CCDC141: variants seen among roughly 807,000 people sequenced by gnomAD.
The protein encoded by CCDC141 is coiled-coil domain-containing protein 141.
In CCDC141, 168 loss-of-function variants were observed where a neutral mutation model predicts 181.0. The ratio of observed to expected loss-of-function variants is 0.93; its 90% CI spans 0.82 to 1.05. CCDC141 has a LOEUF of 1.05. CCDC141 is among the 50% of genes least tolerant of loss of function. The pLI is 0.00. For missense variants in CCDC141, 1,902 were observed against 1,788.5 expected (o/e 1.06, Z -1.14); for synonymous variants, 666 against 642.3 (o/e 1.04, Z -0.56).
chr2:178,920,459 C>T (rs550155856), intron 6 of CCDC141, among the ~76,000 whole-genome samples: 83 of 152,164 alleles, frequency 5.5e-4, no homozygotes, highest in Non-Finnish European at 1.1e-3. Flanking sequence ...TGGTGGCTCA[C>T]GTTTGTAATC....
At chr2:178,941,039 T>C (rs1689488905) in intron 6 of CCDC141, among the ~76,000 whole-genome samples, 1 of 152,194 alleles carries the variant, frequency 6.6e-6, no homozygotes, top group African/African-American at 2.4e-5. Context: ...GTCATGACCA[T>C]GGATTATTAT....
chr2:178,936,166 T>C (rs568933414), intron 6 of CCDC141, among the ~76,000 whole-genome samples: 3 of 152,332 alleles, frequency 2.0e-5, no homozygotes, highest in Non-Finnish European at 1.5e-5. Flanking sequence ...ATGAACTCTT[T>C]GCCTATTCCT....
At chr2:178,860,526 CA>C (rs541144833) in intron 17 of CCDC141, among the ~76,000 whole-genome samples, 39 of 54,832 alleles carry the variant, frequency 7.1e-4, no homozygotes, top group South Asian at 9.7e-4. Context: ...GAGCGAGACT[CA>C]AAAAAAAAAA....
At chr2:178,856,984 T>C (rs1685416163) in intron 17 of CCDC141, among the ~76,000 whole-genome samples, 1 of 152,190 alleles carries the variant, frequency 6.6e-6, no homozygotes, top group Admixed American at 6.5e-5. Flanking sequence ...TGTTAATACT[T>C]TTCGATTTGT....
At chr2:178,903,775 T>TA (rs200542386) in intron 8 of CCDC141, among the ~76,000 whole-genome samples, 2,520 of 142,306 alleles carry the variant, frequency 0.018, 70 homozygotes, top group African/African-American at 0.06. Context: ...AAAAAAAAAT[T>TA]AAAAAAAAAA....
rs1365966771 is a variant in CCDC141, at chr2:178,834,430, C to T, written c.4336G>A (p.Gly1446Ser). 1 of 1,535,540 alleles carries T rather than the reference C, an allele frequency of 6.5e-7. No homozygotes were observed. Among genetic ancestry groups the T allele is most frequent in the South Asian group, 1.2e-5 (1 of 84,036 alleles). Residue 1446 changes from glycine to serine, a missense_variant, in exon 24 of 24, where the codon GGC becomes AGC. Gly to Ser is a moderately conservative substitution (Grantham distance 56, BLOSUM62 0). Transcript: ENST00000443758. ...TGCCCATCTGCAGACAATTTCTGGCCCTTCTTGTACCTGAAGCAGAGAGGC... is the reference window on the plus strand; with the variant it reads ...TGCCCATCTGCAGACAATTTCTGGCTCTTCTTGTACCTGAAGCAGAGAGGC... Reference protein sequence around the residue: ...PEPTLTWYKKGQKLSADGHLQ... With the variant: ...PEPTLTWYKKSQKLSADGHLQ...
chr2:178,938,009 C>A (rs763937915), intron 6 of CCDC141, among the ~76,000 whole-genome samples: 1 of 151,934 alleles, frequency 6.6e-6, no homozygotes, highest in Non-Finnish European at 1.5e-5. Context: ...TTCAAGAAAC[C>A]AACTTCTGGA....
At chr2:178,880,472 A>C (rs1686545449) in intron 11 of CCDC141, among the ~76,000 whole-genome samples, 1 of 152,184 alleles carries the variant, frequency 6.6e-6, no homozygotes, top group African/African-American at 2.4e-5. Context: ...AAGCTGGATA[A>C]GAGATGATGA....
intron 16 of CCDC141, 71 bp from the exon 17 acceptor site, chr2:178,865,987 G>T: frequency 8.3e-7 from 1 of 1,203,318 alleles, no homozygotes; most frequent in Non-Finnish European, 1.1e-6. Context: ...CTATTTACCT[G>T]AATTATGAAA....
intron 17 of CCDC141, 87 bp downstream of exon 17, chr2:178,865,680 T>C (rs1685814434): frequency 8.2e-7 from 1 of 1,215,738 alleles, no homozygotes; most frequent in African/African-American, 1.6e-5. Context: ...TGTGTGGGAG[T>C]GTGCACAAAT....
At chr2:178,985,657 T>A (rs1330642324) in intron 2 of CCDC141, among the ~76,000 whole-genome samples, 1 of 151,974 alleles carries the variant, frequency 6.6e-6, no homozygotes, top group Non-Finnish European at 1.5e-5. Context: ...CCCACAGAAA[T>A]ACAAACTACC....
rs183210286 is a variant in CCDC141, at chr2:178,991,754, A to G, written c.226-13079T>C. On this transcript the variant is annotated intron_variant, in intron 2 of 23. Coordinates refer to ENST00000443758, the MANE Select transcript of CCDC141 (RefSeq NM_173648.4). ...TCTCAATTACCAAGACTTCATCATT[A>G]TACAGTGTAGAAATGTACCAAAATA... Among the ~76,000 whole-genome samples the G allele has an allele frequency of 5.3e-5, 8 of 152,222 alleles. No individual in the cohort carries two copies. The East Asian group carries it at 1.3e-3, about 26-fold the overall frequency.
chr2:179,024,628 G>T (rs540746677), intron 2 of CCDC141, among the ~76,000 whole-genome samples: 2 of 151,816 alleles, frequency 1.3e-5, no homozygotes, highest in East Asian at 1.9e-4. Context: ...CTCCAAGAAG[G>T]TTTCAGAGAG....
At chr2:179,009,013 T>C (rs1251621057) in intron 2 of CCDC141, among the ~76,000 whole-genome samples, 3 of 152,196 alleles carry the variant, frequency 2.0e-5, no homozygotes, top group Non-Finnish European at 4.4e-5. Flanking sequence ...CTTTTCCCAA[T>C]CTTTTTATCC....
intron 5 of CCDC141, among the ~76,000 whole-genome samples, chr2:178,946,622 T>A (rs1428470179): frequency 6.6e-6 from 1 of 152,114 alleles, no homozygotes; most frequent in Non-Finnish European, 1.5e-5. Context: ...TAAAAACAGG[T>A]GAGAAGCCTG....
chr2:178,909,032 C>G (rs1688106197), intron 7 of CCDC141, among the ~76,000 whole-genome samples: 1 of 152,186 alleles, frequency 6.6e-6, no homozygotes, highest in South Asian at 2.1e-4. Flanking sequence ...CTCTGTGGCT[C>G]CACTGAACAT....
chr2:178,850,236 T>G (rs1342654140), intron 20 of CCDC141, 75 bp from the exon 21 acceptor site: 3 of 756,184 alleles, frequency 4.0e-6, no homozygotes, highest in African/African-American at 1.7e-5. Flanking sequence ...TATAAATTCA[T>G]CTCCCTGTCC....
chr2:178,821,712 C>T, the CCDC141 span, among the ~76,000 whole-genome samples: 1 of 152,228 alleles, frequency 6.6e-6, no homozygotes, highest in Non-Finnish European at 1.5e-5. Flanking sequence ...CAATGAGATA[C>T]CATCTCACAC....
rs536028137 is a variant in CCDC141 at position 178,926,917 on chromosome 2, A to T, written c.898-8010T>A. On this transcript the variant is annotated intron_variant, in intron 6 of 23. Transcript: ENST00000443758. ...TACCCCATAAATATGTACAATTATTATGTGTCACTTTAAAGAAAAAAGCTA... is the reference window on the plus strand; with the variant it reads ...TACCCCATAAATATGTACAATTATTTTGTGTCACTTTAAAGAAAAAAGCTA... Among the ~76,000 whole-genome samples, 4 of 152,340 alleles carry T rather than the reference A, an allele frequency of 2.6e-5. No homozygotes were observed. In the East Asian group the frequency reaches 7.7e-4, roughly 29 times the overall value.
Sources: allele counts gnomAD v4.1 joint callset (sites outside exome capture counted in the v4.1 genomes callset), GRCh38; gene constraint gnomAD v4.1.1; transcripts MANE v1.5; gene names NCBI Gene and HGNC (gene_info 2026-07-23, HGNC 2026-07-21).